The following VPS53 variants were observed in gnomAD, a reference collection of about 807,000 sequenced individuals.
VPS53 encodes the protein VPS53 subunit of GARP complex.
VPS53 carries 70 observed loss-of-function variants against 107.0 expected under a neutral mutation model. That is an observed-to-expected ratio of 0.65 (90% CI 0.54 to 0.80). VPS53 has a LOEUF of 0.80. Ranked by LOEUF, VPS53 falls within the 30% of genes least tolerant of loss-of-function variation. VPS53 has a pLI of 0.00. For missense variants in VPS53, 917 were observed against 1,049.4 expected, an observed-to-expected ratio of 0.87 and a Z score of 1.74; for synonymous variants, 409 against 393.3, an observed-to-expected ratio of 1.04 and a Z score of -0.47.
At position 630,696 on chromosome 17, in the gene VPS53, G is replaced by A. The variant is rs544411526; in HGVS notation, c.687+854C>T. Among the ~76,000 whole-genome samples the A allele has an allele frequency of 2.4e-3, 368 of 152,214 alleles. 1 individual carries two copies. The highest frequency in any genetic ancestry group is 7.4e-3 in the African/African-American group (307 of 41,550). On this transcript the variant is annotated intron_variant, in intron 8 of 21. Transcript: ENST00000437048. ...TGGAACACAAAGAAAAAATAATTAA[G>A]ATATTTCCAGTTATTGAATTACAGA...
intron 11 of VPS53, among the ~76,000 whole-genome samples, chr17:619,294 T>TC (rs1969337506): frequency 8.9e-6 from 1 of 112,282 alleles, no homozygotes; most frequent in African/African-American, 3.5e-5. Flanking sequence ...GCTAATATTT[T>TC]CCGGGTAGCT....
chr17:514,447 GCCAA>G lies in VPS53; in HGVS notation c.*4677_*4680del, dbSNP rs1908154683. 2 of 126,632 alleles carry G rather than the reference GCCAA, an allele frequency of 1.6e-5. No individual in the cohort carries two copies. Among genetic ancestry groups the G allele is most frequent in the African/African-American group, 3.1e-5 (1 of 31,970 alleles). The allele number at this position is 126,632 out of a possible 1,614,324, so 7.8% of individuals were successfully genotyped here. A position where few individuals can be genotyped will look rare whatever the true frequency, so the allele number is the denominator to read the frequency against. On this transcript the variant is annotated 3_prime_UTR_variant, in exon 22 of 22. Coordinates refer to ENST00000437048, the MANE Select transcript of VPS53 (RefSeq NM_001128159.3). ...CAGGTTATTCTGAGTGCTCTTCCTA[GCCAA>G]GGAATCCCATTTCCAGCAGGTTATT...
chr17:565,100 G>C (rs1188176256), intron 13 of VPS53, among the ~76,000 whole-genome samples: 1 of 152,152 alleles, frequency 6.6e-6, no homozygotes, highest in African/African-American at 2.4e-5. Flanking sequence ...AAAGGCTTTT[G>C]TTATTGAAAG....
At chr17:662,861 G>GGAAC (rs1567720171) in intron 4 of VPS53, among the ~76,000 whole-genome samples, 74 of 114,370 alleles carry the variant, frequency 6.5e-4, no homozygotes, top group African/African-American at 1.4e-3. Flanking sequence ...AAGGAAGGAA[G>GGAAC]GAAGGAAGGA....
intron 13 of VPS53, among the ~76,000 whole-genome samples, chr17:565,116 T>C (rs1416730203): frequency 2.0e-5 from 3 of 152,098 alleles, no homozygotes; most frequent in African/African-American, 7.2e-5. Context: ...GAAAGTCTAT[T>C]ATAGGCCCAA....
chr17:609,514 TAAAAAAA>T (rs1291840757), intron 11 of VPS53, among the ~76,000 whole-genome samples: 1 of 151,492 alleles, frequency 6.6e-6, no homozygotes, highest in Non-Finnish European at 1.5e-5. Context: ...AATGTGTAAT[TAAAAAAA>T]AAGAATTCAG....
At chr17:568,653 C>A (rs1597315468) in intron 13 of VPS53, among the ~76,000 whole-genome samples, 1 of 152,176 alleles carries the variant, frequency 6.6e-6, no homozygotes, top group Non-Finnish European at 1.5e-5. Context: ...GGCTGGGGAG[C>A]CAAGGTGTGG....
At chr17:608,836 C>T (rs986862737) in intron 11 of VPS53, among the ~76,000 whole-genome samples, 2 of 151,954 alleles carry the variant, frequency 1.3e-5, no homozygotes, top group Non-Finnish European at 2.9e-5. Flanking sequence ...TGGTCTCAAA[C>T]TCCTGGCTGT....
chr17:644,239 G>C (rs1378492700), intron 7 of VPS53, among the ~76,000 whole-genome samples: 1 of 152,220 alleles, frequency 6.6e-6, no homozygotes. Context: ...CAAGGCTCAT[G>C]AACTTCCTAT....
intron 11 of VPS53, among the ~76,000 whole-genome samples, chr17:613,549 T>C (rs1161361146): frequency 1.4e-5 from 2 of 143,358 alleles, no homozygotes; most frequent in African/African-American, 5.3e-5. Context: ...AGTGAAAACC[T>C]GTACAGATAT....
At chr17:605,443 G>A (rs1357120666) in intron 11 of VPS53, among the ~76,000 whole-genome samples, 1 of 151,850 alleles carries the variant, frequency 6.6e-6, no homozygotes, top group East Asian at 1.9e-4. Context: ...CATATGGTGA[G>A]TCTGAGGGAC....
At chr17:558,633 C>CA (rs981210483) in intron 15 of VPS53, among the ~76,000 whole-genome samples, 29 of 148,370 alleles carry the variant, frequency 2.0e-4, no homozygotes, top group East Asian at 2.0e-4. Flanking sequence ...GACTCTGTTT[C>CA]AAAAAAAAAG....
chr17:647,405 G>A lies in VPS53; in HGVS notation c.608+5886C>T, dbSNP rs567900365. 2.3e-4 allele frequency among the ~76,000 whole-genome samples: 35 copies of A among 152,300 alleles called. 1 individual carries two copies. In the South Asian group the frequency reaches 7.0e-3, roughly 31 times the overall value. ...TCTTTGTGCCTTCAGTCCCCAGCACGGGGCCTAGGATGTAGAAAATGCAGA... is the reference window on the plus strand; with the variant it reads ...TCTTTGTGCCTTCAGTCCCCAGCACAGGGCCTAGGATGTAGAAAATGCAGA... On this transcript the variant is annotated intron_variant, in intron 7 of 21. Coordinates refer to ENST00000437048, the MANE Select transcript of VPS53 (RefSeq NM_001128159.3).
chr17:669,620 G>A (rs1446217731), intron 4 of VPS53, among the ~76,000 whole-genome samples: 1 of 111,638 alleles, frequency 9.0e-6, no homozygotes, highest in Non-Finnish European at 2.1e-5. Context: ...TAGGCCAGGT[G>A]CGATGGCTCA....
chr17:608,552 AT>A (rs1177543730), intron 11 of VPS53, among the ~76,000 whole-genome samples: 1 of 149,556 alleles, frequency 6.7e-6, no homozygotes, highest in Non-Finnish European at 1.5e-5. Context: ...TTTATTTAAA[AT>A]TTTTTTTTCT....
chr17:595,198 G>A (rs1967897531), intron 12 of VPS53, among the ~76,000 whole-genome samples: 1 of 103,920 alleles, frequency 9.6e-6, no homozygotes, highest in African/African-American at 3.4e-5. Flanking sequence ...GAAGCTGGGA[G>A]ATGGGAAGGG....
chr17:578,665 C>A (rs889286893), intron 13 of VPS53, among the ~76,000 whole-genome samples: 1 of 148,348 alleles, frequency 6.7e-6, no homozygotes, highest in Non-Finnish European at 1.5e-5. Context: ...CATTCCCAGA[C>A]AACTTCCCTG....
chr17:597,422 G>A (rs982461874), intron 12 of VPS53, among the ~76,000 whole-genome samples: 6 of 152,178 alleles, frequency 3.9e-5, no homozygotes, highest in Admixed American at 1.3e-4. Context: ...GCAAGGCCAG[G>A]GCTGGTGACG....
intron 11 of VPS53, among the ~76,000 whole-genome samples, chr17:607,316 C>T (rs530415133): frequency 6.6e-6 from 1 of 152,314 alleles, no homozygotes; most frequent in Admixed American, 6.5e-5. Context: ...CAACTTTGCA[C>T]TTTCTAAGTG....
Sources: gnomAD v4.1 joint callset for allele counts (sites outside exome capture counted in the v4.1 genomes callset) on GRCh38, gnomAD v4.1.1 for gene constraint, MANE v1.5 for transcripts, NCBI Gene and HGNC (gene_info 2026-07-23, HGNC 2026-07-21) for gene names.